The following ZNF483 variants were observed in gnomAD, a reference collection of about 807,000 sequenced individuals.
The protein encoded by ZNF483 is zinc finger protein HIT-10.
Under a neutral mutation model 28.6 loss-of-function variants are expected in ZNF483, and 9 were observed. The observed-to-expected ratio is 0.32, with a 90% confidence interval of 0.19 to 0.55. The LOEUF is 0.55. Ranked by LOEUF, ZNF483 falls within the 20% of genes least tolerant of loss-of-function variation. The pLI, the probability that ZNF483 is intolerant of heterozygous loss-of-function variation, is 0.93. For missense variants in ZNF483, 675 were observed against 871.7 expected (o/e 0.77, Z 2.84); for synonymous variants, 322 against 306.2 (o/e 1.05, Z -0.54).
downstream of ZNF483, among the ~76,000 whole-genome samples, chr9:111,558,866 C>T (rs1457829533): frequency 6.6e-6 from 1 of 152,174 alleles, no homozygotes; most frequent in Non-Finnish European, 1.5e-5. Flanking sequence ...CCTTCTCTGA[C>T]AGTGAGAAAC....
In ZNF483 at chr9:111,543,527, C is replaced by T; in HGVS notation, c.*357C>T. On this transcript the variant is annotated 3_prime_UTR_variant, in exon 6 of 6. Transcript: ENST00000309235. The stretch of plus-strand genomic sequence containing the variant: ...TTGGATTCTGTCCCAGTTTGCCAAC[C>T]AACTTGCTGTATACACCTTGGACAA... The T allele has an allele frequency of 9.8e-7, 1 of 1,019,350 alleles. No homozygotes were observed. The highest frequency in any genetic ancestry group is 1.2e-6 in the Non-Finnish European group (1 of 852,352). 63.1% of individuals were successfully genotyped at this position (1,019,350 alleles called of 1,614,324 possible).
rs975527524 is a variant in ZNF483 at position 111,567,474 on chromosome 9, C to T, written c.722-8891C>T. ...TGCTGGGATTACAAGTGTGAACCACCGTGCCAGTCCAGACGGCACTTTTTA... is the reference window on the plus strand; with the variant it reads ...TGCTGGGATTACAAGTGTGAACCACTGTGCCAGTCCAGACGGCACTTTTTA... On this transcript the variant is annotated intron_variant, in intron 5 of 5. Transcript: ENST00000358151. 5.3e-5 allele frequency among the ~76,000 whole-genome samples: 8 copies of T among 152,130 alleles called. No individual in the cohort carries two copies. The East Asian group carries it at 7.7e-4, about 15-fold the overall frequency.
rs141651182 is a variant in ZNF483 at position 111,574,782 on chromosome 9, T to G, written c.722-1583T>G. 6.2e-6 allele frequency: 10 copies of G among 1,613,938 alleles called. No homozygotes were observed. The highest frequency in any genetic ancestry group is 8.5e-6 in the Non-Finnish European group (10 of 1,179,980). ...TTATATGTAGAGATGGCTCCACATA[T>G]GGCAATCCTTCCAAATTTCTTCATC... is the stretch of plus-strand genomic sequence containing the variant. On this transcript the variant is annotated intron_variant, in intron 5 of 5. Coordinates refer to the ZNF483 transcript ENST00000358151.
At chr9:111,570,093 C>T (rs780461179) in intron 5 of ZNF483, 1 of 1,614,128 alleles carries the variant, frequency 6.2e-7, no homozygotes, top group East Asian at 2.2e-5. Context: ...CTCCTTACCT[C>T]TAAGACCCAT....
chr9:111,544,962 A>G lies in ZNF483; in HGVS notation c.*1792A>G, dbSNP rs1187998008. On this transcript the variant is annotated 3_prime_UTR_variant, in exon 6 of 6. Transcript: ENST00000309235. ...CTATAAAAAGAGAGCTAAACCAGAA[A>G]ACTCTTCACTTATGGAAGTAAAGCG... Among the ~76,000 whole-genome samples, 2 of 152,156 alleles carry G rather than the reference A, an allele frequency of 1.3e-5. No homozygotes were observed. The highest frequency in any genetic ancestry group is 6.5e-5 in the Admixed American group (1 of 15,270).
chr9:111,545,999 C>T lies in ZNF483; in HGVS notation c.*2829C>T, dbSNP rs554897943. Among the ~76,000 whole-genome samples, 35 of 152,090 alleles carry T rather than the reference C, an allele frequency of 2.3e-4. No homozygotes were observed. Among genetic ancestry groups the T allele is most frequent in the Non-Finnish European group, 4.4e-4 (30 of 68,010 alleles). ...CTGCCAAATTGTTTTCCAAAGTGAC[C>T]GCATTATTTTACATTCTGACTAGTA... On this transcript the variant is annotated 3_prime_UTR_variant, in exon 6 of 6. Coordinates refer to ENST00000309235, the MANE Select transcript of ZNF483 (RefSeq NM_133464.5).
rs553628437 is a variant in ZNF483, at chr9:111,544,323, T to A, written c.*1153T>A. On this transcript the variant is annotated 3_prime_UTR_variant, in exon 6 of 6. Coordinates refer to ENST00000309235, the MANE Select transcript of ZNF483 (RefSeq NM_133464.5). Reference sequence around the variant, plus strand: ...GTGTGGCAACAGTTAAAAGCTGTTATAACAATTTGCTTGGGTGTGTGTGCA... The same window carrying A: ...GTGTGGCAACAGTTAAAAGCTGTTAAAACAATTTGCTTGGGTGTGTGTGCA... 6 of 984,368 alleles carry A rather than the reference T, an allele frequency of 6.1e-6. No individual in the cohort carries two copies. Among genetic ancestry groups the A allele is most frequent in the African/African-American group, 3.5e-5 (2 of 56,690 alleles). The allele number at this position is 984,368 out of a possible 1,614,324, so 61.0% of individuals were successfully genotyped here. A position where few individuals can be genotyped will look rare whatever the true frequency, so the allele number is the denominator to read the frequency against.
chr9:111,553,924 C>T lies in ZNF483; in HGVS notation c.*10754C>T, dbSNP rs1828043807. Reference sequence around the variant, plus strand: ...GGTCTTTCCAGCATTTTGTTGCTTTCCCATATTTTGTAGTCATGCTGTGTG... The same window carrying T: ...GGTCTTTCCAGCATTTTGTTGCTTTTCCATATTTTGTAGTCATGCTGTGTG... On this transcript the variant is annotated 3_prime_UTR_variant, in exon 6 of 6. Coordinates refer to ENST00000309235, the MANE Select transcript of ZNF483 (RefSeq NM_133464.5). Among the ~76,000 whole-genome samples, 2 of 152,140 alleles carry T rather than the reference C, an allele frequency of 1.3e-5. No homozygotes were observed. The highest frequency in any genetic ancestry group is 3.9e-4 in the East Asian group (2 of 5,188).
At chr9:111,567,763 A>G (rs1272182446) in intron 5 of ZNF483, among the ~76,000 whole-genome samples, 1 of 152,134 alleles carries the variant, frequency 6.6e-6, no homozygotes, top group African/African-American at 2.4e-5. Flanking sequence ...GGAATTGTCT[A>G]TAGGGATGCA....
rs1025588370 is a variant in ZNF483 at position 111,544,072 on chromosome 9, T to G, written c.*902T>G. On this transcript the variant is annotated 3_prime_UTR_variant, in exon 6 of 6. Coordinates refer to ENST00000309235, the MANE Select transcript of ZNF483 (RefSeq NM_133464.5). ...TATTTTAATCGGACAAGGGAACTCT[T>G]TTTCTTTTGGGCATTGGCCAACAGG... is the stretch of plus-strand genomic sequence containing the variant. The G allele has an allele frequency of 4.1e-6, 4 of 985,044 alleles. No individual in the cohort carries two copies. The highest frequency in any genetic ancestry group is 4.8e-6 in the Non-Finnish European group (4 of 829,946). 61.0% of individuals were successfully genotyped at this position (985,044 alleles called of 1,614,324 possible).
intron 5 of ZNF483, among the ~76,000 whole-genome samples, chr9:111,568,965 G>A (rs550362275): frequency 2.6e-5 from 4 of 152,290 alleles, no homozygotes; most frequent in African/African-American, 7.2e-5. Flanking sequence ...ACATGGGTAC[G>A]ACAGAAAGAC....
At chr9:111,558,578 C>T (rs145265767), downstream of ZNF483, among the ~76,000 whole-genome samples, 539 of 152,268 alleles carry the variant, frequency 3.5e-3, 1 homozygote, top group Admixed American at 5.9e-3. Context: ...CAGAACAAAC[C>T]ATTTCTGGTT....
intron 5 of ZNF483, among the ~76,000 whole-genome samples, chr9:111,572,828 C>T (rs892178322): frequency 8.7e-5 from 13 of 149,344 alleles, no homozygotes; most frequent in East Asian, 3.9e-4. Context: ...AGAGCAAGAC[C>T]TTGTCTCAAA....
rs370818359 is a variant in ZNF483, at chr9:111,554,672, C to T, written c.*11502C>T. 2.0e-5 allele frequency among the ~76,000 whole-genome samples: 3 copies of T among 152,210 alleles called. No homozygotes were observed. Among genetic ancestry groups the T allele is most frequent in the East Asian group, 1.9e-4 (1 of 5,176 alleles). ...GGGATAATTTGTGTCCTAGGAGGCA[C>T]GGAGCAGGATGGCAAGAGGTTTCAT... On this transcript the variant is annotated 3_prime_UTR_variant, in exon 6 of 6. Coordinates refer to ENST00000309235, the MANE Select transcript of ZNF483 (RefSeq NM_133464.5).
At position 111,536,358 on chromosome 9, in the gene ZNF483, A is replaced by C. The variant is rs186668635; in HGVS notation, c.721+2005A>C. On this transcript the variant is annotated intron_variant, in intron 5 of 5. Transcript: ENST00000309235. ...CACGGTGAAACCCCGTCTCTACTAA[A>C]AATACAAAAAAAAAAAATTAACCAG... Among the ~76,000 whole-genome samples the C allele has an allele frequency of 9.8e-3, 1,480 of 151,760 alleles. 16 individuals carry two copies. Among genetic ancestry groups the C allele is most frequent in the Non-Finnish European group, 0.016 (1,086 of 67,880 alleles).
At chr9:111,556,483 T>C (rs1384865654), downstream of ZNF483, among the ~76,000 whole-genome samples, 1 of 152,240 alleles carries the variant, frequency 6.6e-6, no homozygotes, top group Non-Finnish European at 1.5e-5. Flanking sequence ...AAGGCTGTGC[T>C]CCTGCAGCAG....
intron 5 of ZNF483, among the ~76,000 whole-genome samples, chr9:111,562,246 T>C (rs1828348308): frequency 1.3e-5 from 2 of 151,070 alleles, no homozygotes. Context: ...AGATGAAAAA[T>C]CAGAAGTCTA....
downstream of ZNF483, among the ~76,000 whole-genome samples, chr9:111,559,598 T>TCA (rs1037774997): frequency 1.3e-5 from 2 of 149,930 alleles, no homozygotes; most frequent in East Asian, 1.9e-4. Flanking sequence ...ACACACACAC[T>TCA]CACACACACA....
intron 5 of ZNF483, among the ~76,000 whole-genome samples, chr9:111,565,051 C>G (rs1828493909): frequency 6.6e-6 from 1 of 151,980 alleles, no homozygotes. Context: ...ATGAACCCGG[C>G]AGGCGGAGGT....
Sources: allele counts gnomAD v4.1 joint callset (sites outside exome capture counted in the v4.1 genomes callset), GRCh38; gene constraint gnomAD v4.1.1; transcripts MANE v1.5; gene names NCBI Gene and HGNC (gene_info 2026-07-23, HGNC 2026-07-21).